The following PLCB1 variants were observed in gnomAD, a reference collection of about 807,000 sequenced individuals.
PLCB1 encodes phospholipase C beta 1.
Under a neutral mutation model 161.8 loss-of-function variants are expected in PLCB1, and 46 were observed. The observed-to-expected ratio is 0.28, with a 90% CI of 0.22 to 0.36. PLCB1 has a LOEUF of 0.36. PLCB1 is among the 10% of genes least tolerant of loss of function. PLCB1 has a pLI of 1.00. For synonymous variants in PLCB1, 517 were observed against 503.7 expected (o/e 1.03, Z -0.35); for missense variants, 1,016 against 1,472.5 (o/e 0.69, Z 5.07).
At chr20:8,613,743 T>C (rs1278486762) in intron 3 of PLCB1, among the ~76,000 whole-genome samples, 1 of 152,054 alleles carries the variant, frequency 6.6e-6, no homozygotes, top group East Asian at 1.9e-4. Flanking sequence ...ATAAAGTATA[T>C]AAAATGATGA....
chr20:8,137,060 G>T (rs747645958), intron 1 of PLCB1, among the ~76,000 whole-genome samples: 1 of 152,146 alleles, frequency 6.6e-6, no homozygotes, highest in African/African-American at 2.4e-5. Context: ...CAGAAGTTTG[G>T]ATTTGCGTTA....
intron 31 of PLCB1, among the ~76,000 whole-genome samples, chr20:8,803,702 T>G (rs1206890586): frequency 6.6e-6 from 1 of 152,206 alleles, no homozygotes; most frequent in Non-Finnish European, 1.5e-5. Context: ...GACTATCTTT[T>G]AAATCATCAG....
At chr20:8,213,310 G>A (rs1978933920) in intron 2 of PLCB1, among the ~76,000 whole-genome samples, 1 of 152,190 alleles carries the variant, frequency 6.6e-6, no homozygotes, top group Admixed American at 6.5e-5. Context: ...AGAAGGACAT[G>A]ATTCAGTCTG....
At chr20:8,349,933 G>A (rs114518736) in intron 2 of PLCB1, among the ~76,000 whole-genome samples, 366 of 152,096 alleles carry the variant, frequency 2.4e-3, no homozygotes, top group African/African-American at 8.4e-3. Context: ...TTTGCAGATA[G>A]CATAATTTTC....
chr20:8,784,789 C>G (rs1439038640), intron 27 of PLCB1, among the ~76,000 whole-genome samples: 1 of 152,160 alleles, frequency 6.6e-6, no homozygotes, highest in South Asian at 2.1e-4. Flanking sequence ...CATTAAGATG[C>G]TTTTTCCGGA....
intron 3 of PLCB1, among the ~76,000 whole-genome samples, chr20:8,502,093 T>C (rs1007642859): frequency 2.6e-5 from 4 of 151,988 alleles, no homozygotes; most frequent in Admixed American, 6.6e-5. Context: ...TTTTTATTAC[T>C]AAGATTATTT....
chr20:8,208,331 A>G (rs1270581878), intron 2 of PLCB1, among the ~76,000 whole-genome samples: 1 of 152,160 alleles, frequency 6.6e-6, no homozygotes, highest in Non-Finnish European at 1.5e-5. Context: ...TAAAATTAGA[A>G]ACTCTGAAAA....
intron 2 of PLCB1, among the ~76,000 whole-genome samples, chr20:8,368,528 CAAAAAAAA>C (rs1216338206): frequency 3.1e-5 from 2 of 63,818 alleles, no homozygotes; most frequent in African/African-American, 6.0e-5. Context: ...CTCTGTCTCT[CAAAAAAAA>C]AAAAAAAAAA....
intron 2 of PLCB1, chr20:8,306,451 G>A (rs1439886606): frequency 1.3e-5 from 2 of 152,188 alleles, no homozygotes; most frequent in Non-Finnish European, 2.9e-5. Flanking sequence ...ATTTGAGTCA[G>A]ATTTACTTAA....
chr20:8,616,624 T>C (rs951567791), intron 3 of PLCB1, among the ~76,000 whole-genome samples: 1 of 152,132 alleles, frequency 6.6e-6, no homozygotes, highest in African/African-American at 2.4e-5. Context: ...GCCAGATAAA[T>C]AGTAGGTGCT....
At chr20:8,501,044 C>G (rs755503347) in intron 3 of PLCB1, among the ~76,000 whole-genome samples, 1 of 152,126 alleles carries the variant, frequency 6.6e-6, no homozygotes, top group Non-Finnish European at 1.5e-5. Context: ...CCAGACACCC[C>G]CAATGGATAC....
intron 9 of PLCB1, among the ~76,000 whole-genome samples, chr20:8,674,765 A>G (rs549317486): frequency 4.9e-4 from 75 of 152,240 alleles, no homozygotes; most frequent in African/African-American, 1.7e-3. Context: ...TGTCCTCAGG[A>G]CCAAGCAGAA....
At chr20:8,136,414 C>T (rs1444367926) in intron 1 of PLCB1, among the ~76,000 whole-genome samples, 3 of 152,070 alleles carry the variant, frequency 2.0e-5, no homozygotes, top group Non-Finnish European at 4.4e-5. Flanking sequence ...ATCACAAGAC[C>T]AGGAGATCGA....
At chr20:8,807,932 G>A (rs1036659273) in intron 31 of PLCB1, among the ~76,000 whole-genome samples, 3 of 152,112 alleles carry the variant, frequency 2.0e-5, no homozygotes, top group Non-Finnish European at 4.4e-5. Context: ...TGGGACAAAA[G>A]ACTATGTTCA....
chr20:8,854,282 G>T (rs1037191214), intron 31 of PLCB1, among the ~76,000 whole-genome samples: 1 of 152,054 alleles, frequency 6.6e-6, no homozygotes, highest in Admixed American at 6.6e-5. Context: ...TTTTAGCACT[G>T]CCTAGAGCCT....
intron 3 of PLCB1, among the ~76,000 whole-genome samples, chr20:8,491,425 C>T (rs375116502): frequency 2.0e-5 from 3 of 151,968 alleles, no homozygotes; most frequent in African/African-American, 7.2e-5. Context: ...TCTGCCTCTC[C>T]CCCTCTTTCA....
intron 3 of PLCB1, among the ~76,000 whole-genome samples, chr20:8,399,233 A>G (rs1027902562): frequency 1.3e-5 from 2 of 151,494 alleles, no homozygotes; most frequent in Non-Finnish European, 2.9e-5. Flanking sequence ...TTTTCAGACC[A>G]TCTTTTGCCC....
intron 2 of PLCB1, among the ~76,000 whole-genome samples, chr20:8,207,329 C>A (rs889174043): frequency 6.6e-6 from 1 of 152,052 alleles, no homozygotes; most frequent in East Asian, 1.9e-4. Context: ...TTATATTATA[C>A]GGAACAATGC....
intron 2 of PLCB1, among the ~76,000 whole-genome samples, chr20:8,255,307 A>T (rs530288045): frequency 6.6e-6 from 1 of 152,092 alleles, no homozygotes; most frequent in East Asian, 1.9e-4. Context: ...GAAGATCTCC[A>T]TATATATACA....
Sources: gnomAD v4.1 joint callset for allele counts (sites outside exome capture counted in the v4.1 genomes callset) on GRCh38, gnomAD v4.1.1 for gene constraint, MANE v1.5 for transcripts, NCBI Gene and HGNC (gene_info 2026-07-23, HGNC 2026-07-21) for gene names.